The following KRT33A variants were observed in gnomAD, a reference collection of about 807,000 sequenced individuals.
KRT33A encodes keratin 33A.
Under a neutral mutation model 41.1 loss-of-function variants are expected in KRT33A, and 44 were observed. The observed-to-expected ratio is 1.07, with a 90% CI of 0.84 to 1.38. The LOEUF (loss-of-function observed/expected upper bound fraction) is 1.38. Among genes scored for constraint, KRT33A ranks in the 40% most tolerant of loss-of-function variants. The pLI is 0.00. For missense variants in KRT33A, 536 were observed against 518.5 expected, an observed-to-expected ratio of 1.03 and a Z score of -0.33; for synonymous variants, 229 against 227.8, an observed-to-expected ratio of 1.01 and a Z score of -0.05.
In KRT33A at chr17:41,350,453, G is replaced by C. The variant is rs780744061; in HGVS notation, c.315C>G (p.Ser105=). 3.1e-6 allele frequency: 5 copies of C among 1,613,962 alleles called. No individual in the cohort carries two copies. The African/African-American group carries it at 6.7e-5, about 22-fold the overall frequency. The change falls in exon 1 of 7, where the codon TCC becomes TCG. Residue 105 remains serine (S), a synonymous_variant. Coordinates refer to ENST00000007735, the MANE Select transcript of KRT33A (RefSeq NM_004138.4). The part of the protein sequence containing the change: ...QEPLVCASYQ[S]YFKTIEELQQ... ...GGAGCTCCTCAATGGTCTTGAAGTA[G>C]GACTGGTAGCTGGCACACACCAAGG... is the stretch of plus-strand genomic sequence containing the variant.
intron 5 of KRT33A, 67 bp from the exon 6 acceptor site, chr17:41,346,735 A>G: frequency 1.2e-6 from 2 of 1,609,716 alleles, no homozygotes. Context: ...GGGGTTCCAA[A>G]GAACTCACAA....
Position 41,350,693 on chromosome 17 carries a change from G to T in KRT33A, c.75C>A (p.Ser25Arg). The change falls in exon 1 of 7, where the codon AGC becomes AGA. Residue 25 changes from serine (S) to arginine (R), a missense_variant. Transcript: ENST00000007735. ...SCSSRPCVPP[S>R]CHGCTLPGAC... ...CCCCGGGCAGGGTGCAGCCGTGGCA[G>T]CTGGGGGGCACACAGGGCCGGGAGG... 6.2e-7 allele frequency: 1 copy of T among 1,612,290 alleles called. No homozygotes were observed. Among genetic ancestry groups the T allele is most frequent in the Non-Finnish European group, 8.5e-7 (1 of 1,179,972 alleles).
chr17:41,347,269 G>GCT, intron 3 of KRT33A, 47 bp from the exon 4 acceptor site: 1 of 1,556,604 alleles, frequency 6.4e-7, no homozygotes, highest in South Asian at 1.2e-5. Context: ...GGATCTTGGT[G>GCT]CTCTCCTTAA....
intron 3 of KRT33A, 42 bp from the exon 4 acceptor site, chr17:41,347,264 T>A (rs1396984727): frequency 6.4e-7 from 1 of 1,562,164 alleles, no homozygotes; most frequent in South Asian, 1.2e-5. Flanking sequence ...ACAAAGGATC[T>A]TGGTGCTCTC....
chr17:41,346,537 G>A lies in KRT33A; in HGVS notation c.1008C>T (p.Asn336=), dbSNP rs1391953651. Residue 336 remains asparagine, a synonymous_variant, in exon 6 of 7, where the codon AAC becomes AAT. Transcript: ENST00000007735. ...AEIRSDLERQ[N]QEYQVLLDVR... ...CGTCCAGCAGCACCTGATACTCCTG[G>A]TTCTGCCGCTCCAGGTCACTGCGGA... is the stretch of plus-strand genomic sequence containing the variant. The A allele has an allele frequency of 1.1e-5, 18 of 1,614,054 alleles. No individual in the cohort carries two copies. Among genetic ancestry groups the A allele is most frequent in the Non-Finnish European group, 1.4e-5 (16 of 1,180,046 alleles).
At position 41,347,080 on chromosome 17, in the gene KRT33A, T is replaced by C; in HGVS notation, c.731A>G (p.Glu244Gly). 1 of 1,613,950 alleles carries C rather than the reference T, an allele frequency of 6.2e-7. No individual in the cohort carries two copies. ...ALVETNRREVEQWFATQTEEL... is the reference protein window; with the variant it reads ...ALVETNRREVGQWFATQTEEL... Reference sequence around the variant, plus strand: ...GCCCACCTGCGTGGCGAACCATTGCTCCACTTCCCTGCGGTTGGTTTCCAC... The same window carrying C: ...GCCCACCTGCGTGGCGAACCATTGCCCCACTTCCCTGCGGTTGGTTTCCAC... Residue 244 changes from glutamate (E) to glycine (G), a missense_variant, in exon 4 of 7, where the codon GAG becomes GGG. Coordinates refer to ENST00000007735, the MANE Select transcript of KRT33A (RefSeq NM_004138.4).
intron 6 of KRT33A, 85 bp downstream of exon 6, chr17:41,346,363 A>G (rs964014295): frequency 6.3e-7 from 1 of 1,593,318 alleles, no homozygotes; most frequent in African/African-American, 1.3e-5. Flanking sequence ...GCTTGAAATT[A>G]TAAATTCATT....
At chr17:41,349,940 CTG>C (rs1219927396) in intron 1 of KRT33A, among the ~76,000 whole-genome samples, 2 of 152,150 alleles carry the variant, frequency 1.3e-5, no homozygotes, top group Non-Finnish European at 2.9e-5. Context: ...TCACTGGACA[CTG>C]TGCACCAGGA....
intron 1 of KRT33A, among the ~76,000 whole-genome samples, chr17:41,349,709 C>T (rs1860648871): frequency 6.6e-6 from 1 of 151,846 alleles, no homozygotes; most frequent in African/African-American, 2.4e-5. Flanking sequence ...TACTATGTTT[C>T]TGGCATGATA....
intron 3 of KRT33A, 48 bp from the exon 4 acceptor site, chr17:41,347,270 C>T: frequency 1.3e-6 from 2 of 1,554,216 alleles, no homozygotes; most frequent in Non-Finnish European, 1.7e-6. Context: ...GATCTTGGTG[C>T]TCTCCTTAAG....
intron 3 of KRT33A, among the ~76,000 whole-genome samples, chr17:41,347,489 A>T (rs2017443255): frequency 6.6e-6 from 1 of 152,250 alleles, no homozygotes; most frequent in Non-Finnish European, 1.5e-5. Flanking sequence ...CTCAAAGCTG[A>T]TACATGGTGG....
chr17:41,348,668 C>T, intron 2 of KRT33A, 29 bp from the exon 3 acceptor site: 1 of 1,612,614 alleles, frequency 6.2e-7, no homozygotes, highest in Non-Finnish European at 8.5e-7. Flanking sequence ...CAGGAACAGG[C>T]TGGGCAGGAA....
chr17:41,346,308 T>C lies in KRT33A; in HGVS notation c.1098-72A>G, dbSNP rs144330078. On this transcript the variant is annotated intron_variant, in intron 6 of 6. Transcript: ENST00000007735. ...AGAGATTGGAAAATACTAAAAGGGC[T>C]TTGTGTAAGAATATTGTTCCTCCTT... The C allele has an allele frequency of 3.8e-6, 6 of 1,574,998 alleles. No individual in the cohort carries two copies. In the African/African-American group the frequency reaches 6.8e-5, roughly 18 times the overall value.
At chr17:41,347,896 C>T (rs1306521847) in intron 3 of KRT33A, among the ~76,000 whole-genome samples, 1 of 152,212 alleles carries the variant, frequency 6.6e-6, no homozygotes, top group Non-Finnish European at 1.5e-5. Flanking sequence ...AAGCACTTAG[C>T]ACAATGTTTG....
rs2017500186 is a variant in KRT33A, at chr17:41,350,795, G to A, written c.-28C>T. On this transcript the variant is annotated 5_prime_UTR_variant, in exon 1 of 7. Coordinates refer to ENST00000007735, the MANE Select transcript of KRT33A (RefSeq NM_004138.4). ...TGCAGGGAGGGAGTGTCCAGCTGAA[G>A]ACAGAGTCCAAAATCTCCAGGTTGT... 1 of 1,588,204 alleles carries A rather than the reference G, an allele frequency of 6.3e-7. No homozygotes were observed. Among genetic ancestry groups the A allele is most frequent in the Non-Finnish European group, 8.6e-7 (1 of 1,167,228 alleles).
rs545374415 is a variant in KRT33A, at chr17:41,349,199, G to A, written c.431+147C>T. On this transcript the variant is annotated intron_variant, in intron 2 of 6. Transcript: ENST00000007735. Reference sequence around the variant, plus strand: ...CCTGGGGAAAGGATCTCTGAGCTACGGTGTGTGGTGGCTCTGTGAATCTTG... The same window carrying A: ...CCTGGGGAAAGGATCTCTGAGCTACAGTGTGTGGTGGCTCTGTGAATCTTG... 78 of 721,704 alleles carry A rather than the reference G, an allele frequency of 1.1e-4. 1 individual carries two copies. In the Admixed American group the frequency reaches 1.6e-3, roughly 15 times the overall value. The allele number at this position is 721,704 out of a possible 1,614,324, so 44.7% of individuals were successfully genotyped here. A position where few individuals can be genotyped will look rare whatever the true frequency, so the allele number is the denominator to read the frequency against.
rs763257699 is a variant in KRT33A, at chr17:41,350,561, G to A, written c.207C>T (p.Ser69=). The change falls in exon 1 of 7, where the codon AGC becomes AGT. Residue 69 remains serine, a synonymous_variant. Coordinates refer to ENST00000007735, the MANE Select transcript of KRT33A (RefSeq NM_004138.4). ...CCAGCTGACGCACCTTCTCCAGGTA[G>A]CTGGCCAGGCGGTCGTTCAGGAACT... The part of the protein sequence containing the change: ...TMQFLNDRLA[S]YLEKVRQLER... The A allele has an allele frequency of 6.2e-7, 1 of 1,614,014 alleles. No homozygotes were observed.
At chr17:41,350,376 C>T in intron 1 of KRT33A, 44 bp downstream of exon 1, 1 of 1,592,930 alleles carries the variant, frequency 6.3e-7, no homozygotes, top group Non-Finnish European at 8.6e-7. Flanking sequence ...CGGATTCTCT[C>T]CCGACAACTT....
Position 41,346,661 on chromosome 17 carries a change from G to A in KRT33A, c.884C>T (p.Ser295Phe). ...GCTCTCTGTCAGCGTGTTTTCCAGA[G>A]AGTCTCGCTGTGGTGGGGAAGATTG... ...ELQAQHNLRD[S>F]LENTLTESEA... Residue 295 changes from serine to phenylalanine, a missense_variant, in exon 6 of 7, where the codon TCT becomes TTT. Ser to Phe is a radical substitution (Grantham distance 155). Transcript: ENST00000007735. 8.7e-6 allele frequency: 14 copies of A among 1,614,246 alleles called. No homozygotes were observed. The highest frequency in any genetic ancestry group is 1.2e-5 in the Non-Finnish European group (14 of 1,180,038).
Sources: gnomAD v4.1 joint callset for allele counts (sites outside exome capture counted in the v4.1 genomes callset) on GRCh38, gnomAD v4.1.1 for gene constraint, MANE v1.5 for transcripts, NCBI Gene and HGNC (gene_info 2026-07-23, HGNC 2026-07-21) for gene names.